The following FAM83B variants were observed in gnomAD, a reference collection of about 807,000 sequenced individuals.
FAM83B encodes protein FAM83B.
In FAM83B, 26 loss-of-function variants were observed where a neutral mutation model predicts 38.8. The observed-to-expected ratio is 0.67, with a 90% CI of 0.49 to 0.93. The LOEUF is 0.93. FAM83B is among the 40% of genes least tolerant of loss of function. The probability of loss-of-function intolerance (pLI) is 0.00; values close to 1 mark genes in which losing one functional copy is unlikely to be tolerated. For missense variants in FAM83B, 1,237 were observed against 1,197.3 expected (o/e 1.03, Z -0.49); for synonymous variants, 419 against 423.1 (o/e 0.99, Z 0.12).
rs1329879948 is a variant in FAM83B, at chr6:54,944,000, T to A, written c.*1993T>A. On this transcript the variant is annotated 3_prime_UTR_variant, in exon 5 of 5. Coordinates refer to ENST00000306858, the MANE Select transcript of FAM83B (RefSeq NM_001010872.3). ...GAGGAATACAGAATGCTTTATTTCA[T>A]CATCCCCTGACAGGTGACTTAGGCT... 6.6e-6 allele frequency: 1 copy of A among 152,200 alleles called. No individual in the cohort carries two copies. The highest frequency in any genetic ancestry group is 2.4e-5 in the African/African-American group (1 of 41,460). 9.4% of individuals were successfully genotyped at this position (152,200 alleles called of 1,614,324 possible). A position where few individuals can be genotyped will look rare whatever the true frequency, so the allele number is the denominator to read the frequency against.
rs529683039 is a variant in FAM83B, at chr6:54,908,885, A to G, written c.445-17486A>G. 1.1e-4 allele frequency among the ~76,000 whole-genome samples: 17 copies of G among 152,316 alleles called. No individual in the cohort carries two copies. The East Asian group carries it at 3.3e-3, about 29-fold the overall frequency. On this transcript the variant is annotated intron_variant, in intron 2 of 4. Transcript: ENST00000306858. ...GTCCTTGATTTTGGTAGGGGGCTGG[A>G]GTCATATAGTATAATAGTAGAGTAC...
At position 54,942,120 on chromosome 6, in the gene FAM83B, A is replaced by G. The variant is rs1042770785; in HGVS notation, c.*113A>G. Reference sequence around the variant, plus strand: ...AAGGACAGAATTATGGGTATGATGTATATGTTCACCAGTGTCCTAGTATAA... The same window carrying G: ...AAGGACAGAATTATGGGTATGATGTGTATGTTCACCAGTGTCCTAGTATAA... On this transcript the variant is annotated 3_prime_UTR_variant, in exon 5 of 5. Transcript: ENST00000306858. The G allele has an allele frequency of 1.1e-5, 12 of 1,063,938 alleles. No homozygotes were observed. The South Asian group carries it at 1.2e-4, about 11-fold the overall frequency. The allele number at this position is 1,063,938 out of a possible 1,614,324, so 65.9% of individuals were successfully genotyped here. A position where few individuals can be genotyped will look rare whatever the true frequency, so the allele number is the denominator to read the frequency against.
intron 1 of FAM83B, among the ~76,000 whole-genome samples, chr6:54,850,328 A>C (rs9475041): frequency 0.49 from 73,883 of 151,948 alleles, 18,977 homozygotes; most frequent in African/African-American, 0.62. Context: ...CTATGTGGTC[A>C]CTCCTGTGTC....
rs936025091 is a variant in FAM83B, at chr6:54,943,954, C to G, written c.*1947C>G. On this transcript the variant is annotated 3_prime_UTR_variant, in exon 5 of 5. Coordinates refer to ENST00000306858, the MANE Select transcript of FAM83B (RefSeq NM_001010872.3). Reference sequence around the variant, plus strand: ...AACATCCTTTTAAATAGTTTGTGAGCTCTTCCTCTTCAGTGGAATTGAGGA... The same window carrying G: ...AACATCCTTTTAAATAGTTTGTGAGGTCTTCCTCTTCAGTGGAATTGAGGA... 7 of 152,278 alleles carry G rather than the reference C, an allele frequency of 4.6e-5. No homozygotes were observed. The highest frequency in any genetic ancestry group is 1.7e-4 in the African/African-American group (7 of 41,548). The allele number at this position is 152,278 out of a possible 1,614,324, so 9.4% of individuals were successfully genotyped here. A position where few individuals can be genotyped will look rare whatever the true frequency, so the allele number is the denominator to read the frequency against.
intron 2 of FAM83B, among the ~76,000 whole-genome samples, chr6:54,923,004 G>T (rs1242651514): frequency 1.3e-5 from 2 of 151,684 alleles, no homozygotes; most frequent in Non-Finnish European, 2.9e-5. Context: ...AAATACTCTT[G>T]TGTTTTTAAT....
At chr6:54,857,300 C>T (rs1003774023) in intron 1 of FAM83B, among the ~76,000 whole-genome samples, 2 of 152,170 alleles carry the variant, frequency 1.3e-5, no homozygotes, top group African/African-American at 4.8e-5. Flanking sequence ...TAAATAGACT[C>T]AGAGGTGGGA....
chr6:54,941,867 G>A lies in FAM83B; in HGVS notation c.2896G>A (p.Ala966Thr). The A allele has an allele frequency of 6.2e-7, 1 of 1,613,948 alleles. No homozygotes were observed. Among genetic ancestry groups the A allele is most frequent in the Non-Finnish European group, 8.5e-7 (1 of 1,179,966 alleles). ...TATAAATCGCCCAGAAATAAAATCT[G>A]CGACTATGGGCAACAGTTATGGCAG... is the stretch of plus-strand genomic sequence containing the variant. ...TSINRPEIKS[A>T]TMGNSYGRSS... The change falls in exon 5 of 5, where the codon GCG becomes ACG. Residue 966 changes from alanine to threonine, a missense_variant. Physicochemically the swap from Ala to Thr is moderately conservative, Grantham distance 58. Transcript: ENST00000306858.
chr6:54,890,291 C>A (rs1772371279), intron 2 of FAM83B, among the ~76,000 whole-genome samples: 1 of 152,018 alleles, frequency 6.6e-6, no homozygotes, highest in South Asian at 2.1e-4. Flanking sequence ...TTCTTAACAA[C>A]CCAAGTTGAA....
At chr6:54,862,374 G>T (rs1186751774) in intron 1 of FAM83B, among the ~76,000 whole-genome samples, 1 of 152,152 alleles carries the variant, frequency 6.6e-6, no homozygotes, top group Admixed American at 6.5e-5. Context: ...TATAGTTGGA[G>T]TGATCCAAGG....
At chr6:54,939,373 G>A (rs1345364255) in intron 4 of FAM83B, among the ~76,000 whole-genome samples, 1 of 151,960 alleles carries the variant, frequency 6.6e-6, no homozygotes, top group Admixed American at 6.6e-5. Flanking sequence ...TAAATTTTGG[G>A]ATTGTTTCTT....
At chr6:54,901,168 A>G (rs1772652586) in intron 2 of FAM83B, among the ~76,000 whole-genome samples, 1 of 152,210 alleles carries the variant, frequency 6.6e-6, no homozygotes, top group Non-Finnish European at 1.5e-5. Flanking sequence ...AATAACTCAG[A>G]ACACAATTTA....
At chr6:54,857,143 A>G (rs1230531517) in intron 1 of FAM83B, among the ~76,000 whole-genome samples, 3 of 152,190 alleles carry the variant, frequency 2.0e-5, no homozygotes, top group Non-Finnish European at 1.5e-5. Context: ...AGACTTTCGC[A>G]CTATTTTATA....
At chr6:54,898,226 TG>T (rs1772582270) in intron 2 of FAM83B, among the ~76,000 whole-genome samples, 1 of 152,124 alleles carries the variant, frequency 6.6e-6, no homozygotes, top group South Asian at 2.1e-4. Context: ...TACTGGAACC[TG>T]CCCATTGCTA....
chr6:54,908,941 A>G (rs1395498263), intron 2 of FAM83B, among the ~76,000 whole-genome samples: 2 of 152,184 alleles, frequency 1.3e-5, no homozygotes, highest in African/African-American at 4.8e-5. Flanking sequence ...TCTAGTCATA[A>G]CTTCATCACT....
chr6:54,907,165 A>G (rs1168114823), intron 2 of FAM83B, among the ~76,000 whole-genome samples: 2 of 152,298 alleles, frequency 1.3e-5, no homozygotes, highest in East Asian at 3.9e-4. Flanking sequence ...GATGCTAGAA[A>G]CGTATTCCAG....
At chr6:54,876,336 T>C (rs1366758930) in intron 2 of FAM83B, among the ~76,000 whole-genome samples, 1 of 145,410 alleles carries the variant, frequency 6.9e-6, no homozygotes, top group Non-Finnish European at 1.5e-5. Flanking sequence ...TGTTTTTTTT[T>C]TTTTTGAGAC....
At chr6:54,901,738 A>G (rs955147030) in intron 2 of FAM83B, among the ~76,000 whole-genome samples, 1 of 152,210 alleles carries the variant, frequency 6.6e-6, no homozygotes, top group Non-Finnish European at 1.5e-5. Context: ...TTTTACATTC[A>G]GATAATTTTT....
intron 1 of FAM83B, among the ~76,000 whole-genome samples, chr6:54,855,327 T>C (rs2127571970): frequency 6.6e-6 from 1 of 152,320 alleles, no homozygotes; most frequent in Non-Finnish European, 1.5e-5. Flanking sequence ...AGATCACTTA[T>C]ACATATAATT....
chr6:54,902,376 T>C (rs927942501), intron 2 of FAM83B, among the ~76,000 whole-genome samples: 1 of 152,166 alleles, frequency 6.6e-6, no homozygotes, highest in South Asian at 2.1e-4. Context: ...CATATTTCTA[T>C]TGTCTTGACT....
Sources: gnomAD v4.1 joint callset for allele counts (sites outside exome capture counted in the v4.1 genomes callset) on GRCh38, gnomAD v4.1.1 for gene constraint, MANE v1.5 for transcripts, NCBI Gene and HGNC (gene_info 2026-07-23, HGNC 2026-07-21) for gene names.